The following TTLL7 variants were observed in gnomAD, a reference collection of about 807,000 sequenced individuals.
The protein encoded by TTLL7 is tubulin polyglutamylase TTLL7.
TTLL7 carries 53 observed loss-of-function variants against 120.2 expected under a neutral mutation model. The ratio of observed to expected loss-of-function variants is 0.44; its 90% CI spans 0.35 to 0.55. TTLL7 has a LOEUF of 0.55. TTLL7 is among the 20% of genes least tolerant of loss of function. The probability of loss-of-function intolerance (pLI) is 0.00; values close to 1 mark genes in which losing one functional copy is unlikely to be tolerated. For synonymous variants in TTLL7, 353 were observed against 351.7 expected (o/e 1.00, Z -0.04); for missense variants, 803 against 1,054.7 (o/e 0.76, Z 3.31).
At chr1:83,997,270 G>A (rs768016248) in intron 1 of TTLL7, among the ~76,000 whole-genome samples, 8 of 152,148 alleles carry the variant, frequency 5.3e-5, no homozygotes, top group Non-Finnish European at 1.2e-4. Context: ...ATGAGCATCT[G>A]TACTATAGCA....
intron 1 of TTLL7, among the ~76,000 whole-genome samples, chr1:83,992,374 G>T (rs1653079534): frequency 1.3e-5 from 2 of 151,918 alleles, no homozygotes; most frequent in Middle Eastern, 3.4e-3. Flanking sequence ...CTGGAAATAG[G>T]CATCACAGAT....
intron 10 of TTLL7, among the ~76,000 whole-genome samples, chr1:83,923,342 C>A: frequency 7.0e-6 from 1 of 142,404 alleles, no homozygotes; most frequent in East Asian, 2.1e-4. Flanking sequence ...TAGAGAGGAA[C>A]AAAGACTAAA....
At chr1:83,957,931 T>C (rs992851996) in intron 1 of TTLL7, among the ~76,000 whole-genome samples, 2 of 152,180 alleles carry the variant, frequency 1.3e-5, no homozygotes, top group African/African-American at 4.8e-5. Flanking sequence ...TTAAGCTACC[T>C]AGTCTATTAT....
At chr1:83,926,802 T>C (rs1659175781) in intron 10 of TTLL7, among the ~76,000 whole-genome samples, 1 of 152,174 alleles carries the variant, frequency 6.6e-6, no homozygotes, top group African/African-American at 2.4e-5. Flanking sequence ...ATTCATGGGA[T>C]TGTGAATGTC....
At chr1:83,906,107 A>G (rs1657178093) in intron 17 of TTLL7, among the ~76,000 whole-genome samples, 1 of 152,070 alleles carries the variant, frequency 6.6e-6, no homozygotes, top group South Asian at 2.1e-4. Context: ...CTATATACTA[A>G]AAGATACTTT....
chr1:83,964,991 C>G (rs1336552790), intron 1 of TTLL7, among the ~76,000 whole-genome samples: 1 of 152,038 alleles, frequency 6.6e-6, no homozygotes, highest in Non-Finnish European at 1.5e-5. Context: ...TTAGAACAAT[C>G]TTAATCAATG....
intron 19 of TTLL7, among the ~76,000 whole-genome samples, chr1:83,887,588 G>A (rs554141420): frequency 2.0e-5 from 3 of 152,118 alleles, no homozygotes; most frequent in South Asian, 4.1e-4. Flanking sequence ...GAGTCAAATC[G>A]GTCTCAAAAC....
At chr1:83,995,552 A>G (rs562787239) in intron 1 of TTLL7, among the ~76,000 whole-genome samples, 2 of 152,152 alleles carry the variant, frequency 1.3e-5, no homozygotes, top group East Asian at 3.9e-4. Context: ...CCCCAGAAGC[A>G]GATGCTGCCA....
chr1:83,884,834 T>C (rs1654847970), intron 19 of TTLL7, among the ~76,000 whole-genome samples: 1 of 151,736 alleles, frequency 6.6e-6, no homozygotes, highest in South Asian at 2.1e-4. Flanking sequence ...GTAACTAACC[T>C]GCACATTGTG....
At chr1:83,902,266 G>T (rs1301760415) in intron 18 of TTLL7, 4 of 151,350 alleles carry the variant, frequency 2.6e-5, no homozygotes, top group African/African-American at 9.7e-5. Flanking sequence ...AAACCTTCTT[G>T]TTGGCCCACA....
chr1:83,893,849 G>T (rs1655993348), intron 18 of TTLL7, among the ~76,000 whole-genome samples: 1 of 151,974 alleles, frequency 6.6e-6, no homozygotes, highest in Non-Finnish European at 1.5e-5. Flanking sequence ...GTGTCCTAGG[G>T]GAAGGGGCAG....
intron 20 of TTLL7, 94 bp downstream of exon 20, chr1:83,882,869 A>T: frequency 7.2e-7 from 1 of 1,383,994 alleles, no homozygotes; most frequent in East Asian, 2.3e-5. Flanking sequence ...CTTTTTCTCT[A>T]GTCACATAAA....
chr1:83,898,278 G>A (rs1385678707), intron 18 of TTLL7, among the ~76,000 whole-genome samples: 1 of 151,898 alleles, frequency 6.6e-6, no homozygotes, highest in Non-Finnish European at 1.5e-5. Flanking sequence ...AAATACATCA[G>A]AGAAACAGTC....
intron 10 of TTLL7, among the ~76,000 whole-genome samples, chr1:83,927,911 G>A (rs1470418863): frequency 6.6e-6 from 1 of 152,190 alleles, no homozygotes; most frequent in East Asian, 1.9e-4. Flanking sequence ...GCTGGAGGAA[G>A]AAGGCACTTC....
rs1329630336 is a variant in TTLL7, at chr1:83,952,093, A to G, written c.25+94T>C. The G allele has an allele frequency of 5.3e-6, 8 of 1,509,404 alleles. No homozygotes were observed. In the African/African-American group the frequency reaches 9.8e-5, roughly 18 times the overall value. 93.5% of individuals were successfully genotyped at this position (1,509,404 alleles called of 1,614,324 possible). A position where few individuals can be genotyped will look rare whatever the true frequency, so the allele number is the denominator to read the frequency against. On this transcript the variant is annotated intron_variant, in intron 2 of 20. Coordinates refer to ENST00000260505, the MANE Select transcript of TTLL7 (RefSeq NM_024686.6). ...AATTACAAATCCTGGTACTTTAAAA[A>G]GTCCCCAATTAATTTTTAATACTTT... is the stretch of plus-strand genomic sequence containing the variant.
chr1:83,917,797 T>C (rs1447028948), intron 13 of TTLL7, 107 bp from the exon 14 acceptor site: 16 of 728,812 alleles, frequency 2.2e-5, no homozygotes, highest in Non-Finnish European at 3.7e-5. Context: ...CCTGAAATTA[T>C]TTAGTGAAGA....
At chr1:83,993,733 T>C (rs1291946471) in intron 1 of TTLL7, among the ~76,000 whole-genome samples, 1 of 152,132 alleles carries the variant, frequency 6.6e-6, no homozygotes, top group African/African-American at 2.4e-5. Flanking sequence ...AGCCAACTAG[T>C]TGCTTGCAAA....
intron 20 of TTLL7, among the ~76,000 whole-genome samples, chr1:83,870,807 G>A (rs1653308722): frequency 1.3e-5 from 2 of 151,742 alleles, no homozygotes; most frequent in South Asian, 4.2e-4. Flanking sequence ...CCACTTGGGA[G>A]GCTGAGGCCA....
intron 6 of TTLL7, 86 bp downstream of exon 6, chr1:83,947,038 T>C: frequency 9.4e-7 from 1 of 1,066,252 alleles, no homozygotes; most frequent in East Asian, 2.8e-5. Flanking sequence ...ATATTGGTAC[T>C]CACGCATGAG....
Sources: gnomAD v4.1 joint callset for allele counts (sites outside exome capture counted in the v4.1 genomes callset) on GRCh38, gnomAD v4.1.1 for gene constraint, MANE v1.5 for transcripts, NCBI Gene and HGNC (gene_info 2026-07-23, HGNC 2026-07-21) for gene names.